Variants in SDK1 observed in about 807,000 individuals in gnomAD.
The protein encoded by SDK1 is protein sidekick-1.
Under a neutral mutation model 245.5 loss-of-function variants are expected in SDK1, and 157 were observed. The ratio of observed to expected loss-of-function variants is 0.64; its 90% confidence interval spans 0.56 to 0.73. The LOEUF (loss-of-function observed/expected upper bound fraction) is 0.73, where lower values mean the gene tolerates loss of function less well. Ranked by LOEUF, SDK1 falls within the 30% of genes least tolerant of loss-of-function variation. The pLI is 0.00. For synonymous variants in SDK1, 1,647 were observed against 1,278.5 expected (o/e 1.29, Z -6.15); for missense variants, 3,583 against 3,002.3 (o/e 1.19, Z -4.52).
chr7:3,696,666 A>C (rs1368753913), intron 4 of SDK1, among the ~76,000 whole-genome samples: 4 of 151,700 alleles, frequency 2.6e-5, no homozygotes, highest in African/African-American at 9.7e-5. Flanking sequence ...TTATTGTCTA[A>C]ATTTCTAATC....
chr7:3,344,956 G>C (rs928082416), intron 1 of SDK1, among the ~76,000 whole-genome samples: 1 of 152,142 alleles, frequency 6.6e-6, no homozygotes, highest in African/African-American at 2.4e-5. Flanking sequence ...TACCACACAG[G>C]GTAGTGCTTT....
chr7:4,263,517 TCCTGAGTGGGGAGGCCGCGTAGACGC>T, intron 44 of SDK1, among the ~76,000 whole-genome samples: 21 of 95,408 alleles, frequency 2.2e-4, no homozygotes, highest in African/African-American at 8.6e-4. Flanking sequence ...CGTAGACCTC[TCCTGAGTGGGGAGGCCGCGTAGACGC>T]CTCCTGAGTG....
chr7:4,129,834 G>C, intron 26 of SDK1, 74 bp from the exon 27 acceptor site: 2 of 1,594,190 alleles, frequency 1.3e-6, no homozygotes, highest in Non-Finnish European at 1.7e-6. Context: ...TCACGAAGGG[G>C]GCCTGCCCCA....
chr7:4,034,098 T>A (rs1049673382), intron 17 of SDK1, among the ~76,000 whole-genome samples: 2 of 152,234 alleles, frequency 1.3e-5, no homozygotes, highest in Non-Finnish European at 2.9e-5. Context: ...GCCTCTGTGC[T>A]ATTCGTGCCT....
Position 3,733,944 on chromosome 7 carries a change from G to T in SDK1, c.714-87506G>T, listed in dbSNP as rs116136978. Reference sequence around the variant, plus strand: ...ACCGAGATCTCCAAAGACTGAGCCCGGAGAGCTTTTTATTTTCAAAAGGCT... The same window carrying T: ...ACCGAGATCTCCAAAGACTGAGCCCTGAGAGCTTTTTATTTTCAAAAGGCT... On this transcript the variant is annotated intron_variant, in intron 4 of 44. Transcript: ENST00000404826. Among the ~76,000 whole-genome samples, 203 of 152,222 alleles carry T rather than the reference G, an allele frequency of 1.3e-3. 1 individual carries two copies. The highest frequency in any genetic ancestry group is 4.7e-3 in the African/African-American group (195 of 41,544).
At chr7:3,525,993 G>T (rs987908131) in intron 1 of SDK1, among the ~76,000 whole-genome samples, 1 of 152,078 alleles carries the variant, frequency 6.6e-6, no homozygotes, top group Non-Finnish European at 1.5e-5. Context: ...TAGCACTTTG[G>T]GAGGCTGAGG....
At chr7:3,859,495 G>A (rs991023055) in intron 5 of SDK1, among the ~76,000 whole-genome samples, 2 of 152,204 alleles carry the variant, frequency 1.3e-5, no homozygotes, top group East Asian at 3.9e-4. Flanking sequence ...GGCTCATGAT[G>A]TTGTAAAGAC....
At chr7:3,681,537 A>G (rs1006742349) in intron 4 of SDK1, among the ~76,000 whole-genome samples, 3 of 152,246 alleles carry the variant, frequency 2.0e-5, no homozygotes, top group Admixed American at 2.0e-4. Context: ...CCAATTTTTC[A>G]AAATGATTTT....
chr7:3,812,457 T>C (rs957172063), intron 4 of SDK1, among the ~76,000 whole-genome samples: 4 of 152,212 alleles, frequency 2.6e-5, no homozygotes, highest in African/African-American at 9.6e-5. Flanking sequence ...CTTGGGTCTA[T>C]ATTTAAGAGT....
chr7:3,986,632 G>A (rs960752583), intron 13 of SDK1, among the ~76,000 whole-genome samples: 4 of 152,080 alleles, frequency 2.6e-5, no homozygotes, highest in African/African-American at 4.8e-5. Flanking sequence ...AGGCCAAGGC[G>A]GGTGAATCAC....
rs553990283 is a variant in SDK1, at chr7:3,846,610, T to C, written c.847+25027T>C. On this transcript the variant is annotated intron_variant, in intron 5 of 44. Transcript: ENST00000404826. ...TCTAAACATATGTATGTGGACTCATTCTTATTTACCTCCCTCCTGTCCTAA... is the reference window on the plus strand; with the variant it reads ...TCTAAACATATGTATGTGGACTCATCCTTATTTACCTCCCTCCTGTCCTAA... Among the ~76,000 whole-genome samples, 10 of 152,284 alleles carry C rather than the reference T, an allele frequency of 6.6e-5. No homozygotes were observed. The East Asian group carries it at 1.4e-3, about 21-fold the overall frequency.
At chr7:3,884,434 G>A (rs1470253183) in intron 5 of SDK1, among the ~76,000 whole-genome samples, 5 of 152,184 alleles carry the variant, frequency 3.3e-5, no homozygotes, top group Non-Finnish European at 7.3e-5. Flanking sequence ...GAGTATCACT[G>A]CACGCCAGGC....
chr7:4,111,375 T>C (rs1462480908), intron 23 of SDK1, among the ~76,000 whole-genome samples: 1 of 152,208 alleles, frequency 6.6e-6, no homozygotes, highest in Non-Finnish European at 1.5e-5. Flanking sequence ...TATCACCAGA[T>C]GTTGAGTTTG....
intron 1 of SDK1, among the ~76,000 whole-genome samples, chr7:3,381,770 G>C (rs531611626): frequency 2.6e-5 from 4 of 152,270 alleles, no homozygotes; most frequent in African/African-American, 9.6e-5. Context: ...AAATTCTAGA[G>C]AGCATGAAAT....
At chr7:3,812,065 G>A (rs1239266437) in intron 4 of SDK1, among the ~76,000 whole-genome samples, 1 of 152,180 alleles carries the variant, frequency 6.6e-6, no homozygotes, top group East Asian at 1.9e-4. Flanking sequence ...GCTCTTGCCA[G>A]TAAGATATCC....
chr7:3,867,974 C>G (rs1780862589), intron 5 of SDK1, among the ~76,000 whole-genome samples: 1 of 152,020 alleles, frequency 6.6e-6, no homozygotes, highest in South Asian at 2.1e-4. Context: ...TGATCAGACT[C>G]CACAGATTGT....
At chr7:3,871,675 G>A (rs1780960334) in intron 5 of SDK1, among the ~76,000 whole-genome samples, 2 of 152,098 alleles carry the variant, frequency 1.3e-5, no homozygotes, top group South Asian at 2.1e-4. Context: ...GCGGGGAGGC[G>A]CCAGACTCCC....
At chr7:3,415,502 A>T (rs1779337517) in intron 1 of SDK1, among the ~76,000 whole-genome samples, 1 of 152,086 alleles carries the variant, frequency 6.6e-6, no homozygotes, top group African/African-American at 2.4e-5. Flanking sequence ...ATGATGAGTG[A>T]ATAAGTGAGT....
In SDK1 at chr7:3,948,290, C is replaced by G. The variant is rs190897816; in HGVS notation, c.848-2633C>G. Among the ~76,000 whole-genome samples, 348 of 136,312 alleles carry G rather than the reference C, an allele frequency of 2.6e-3. 2 individuals are homozygous for G. The highest frequency in any genetic ancestry group is 9.6e-3 in the African/African-American group (338 of 35,206). 89.4% of individuals were successfully genotyped at this position (136,312 alleles called of 152,430 possible). ...TTTTTTTTTTTGAGACGGAGTCTCG[C>G]TCTGTCACCCAGGCTGGACTGCAGT... On this transcript the variant is annotated intron_variant, in intron 5 of 44. Coordinates refer to ENST00000404826, the MANE Select transcript of SDK1 (RefSeq NM_152744.4).
Sources: allele counts gnomAD v4.1 joint callset (sites outside exome capture counted in the v4.1 genomes callset), GRCh38; gene constraint gnomAD v4.1.1; transcripts MANE v1.5; gene names NCBI Gene and HGNC (gene_info 2026-07-23, HGNC 2026-07-21).